The following GPM6A variants were observed in gnomAD, a reference collection of about 807,000 sequenced individuals.
The protein encoded by GPM6A is glycoprotein M6A.
In GPM6A, 7 loss-of-function variants were observed where a neutral mutation model predicts 32.1. That is an observed-to-expected ratio of 0.22 (90% CI 0.12 to 0.41). The LOEUF is 0.41. Ranked by LOEUF, GPM6A falls within the 10% of genes least tolerant of loss-of-function variation. GPM6A has a pLI of 1.00. For missense variants in GPM6A, 235 were observed against 347.2 expected, an observed-to-expected ratio of 0.68 and a Z score of 2.57; for synonymous variants, 130 against 123.4, an observed-to-expected ratio of 1.05 and a Z score of -0.35.
intron 3 of GPM6A, among the ~76,000 whole-genome samples, chr4:175,666,286 C>T (rs1376297828): frequency 1.3e-5 from 2 of 152,140 alleles, no homozygotes; most frequent in Non-Finnish European, 1.5e-5. Flanking sequence ...CTTCAGTGAA[C>T]ATTTAACTTT....
chr4:175,818,458 G>T (rs367748910), intron 1 of GPM6A, among the ~76,000 whole-genome samples: 5 of 152,148 alleles, frequency 3.3e-5, no homozygotes, highest in South Asian at 2.1e-4. Flanking sequence ...TATATATAGA[G>T]AGAGAGTCAG....
At chr4:175,904,820 AAAGT>A (rs1738079865) in intron 1 of GPM6A, among the ~76,000 whole-genome samples, 1 of 152,142 alleles carries the variant, frequency 6.6e-6, no homozygotes, top group East Asian at 1.9e-4. Context: ...AGATACATCA[AAAGT>A]AACCAAAGAA....
intron 1 of GPM6A, among the ~76,000 whole-genome samples, chr4:175,715,819 A>T (rs1745811218): frequency 6.6e-6 from 1 of 151,894 alleles, no homozygotes; most frequent in Non-Finnish European, 1.5e-5. Flanking sequence ...TAATCCCAGC[A>T]CTTTGGGAGG....
chr4:175,808,371 G>A (rs1327072295), intron 1 of GPM6A, among the ~76,000 whole-genome samples: 4 of 152,150 alleles, frequency 2.6e-5, no homozygotes. Flanking sequence ...TAATTGTACA[G>A]TATTTTAAAT....
At chr4:175,917,548 C>T (rs758363402) in intron 1 of GPM6A, among the ~76,000 whole-genome samples, 23 of 152,162 alleles carry the variant, frequency 1.5e-4, no homozygotes, top group Non-Finnish European at 7.4e-5. Context: ...CTGGATTATA[C>T]ATCTGTCCAT....
upstream of GPM6A, among the ~76,000 whole-genome samples, chr4:175,814,123 A>G (rs1735028422): frequency 6.6e-6 from 1 of 152,246 alleles, no homozygotes; most frequent in South Asian, 2.1e-4. Context: ...CATTCGTTTT[A>G]TACCATGGAA....
intron 1 of GPM6A, among the ~76,000 whole-genome samples, chr4:175,934,290 G>A (rs1041993674): frequency 6.6e-6 from 1 of 152,126 alleles, no homozygotes; most frequent in Non-Finnish European, 1.5e-5. Context: ...GTAAACCACT[G>A]ATTCCCCAAC....
chr4:175,670,448 T>C (rs1242795534), intron 3 of GPM6A, among the ~76,000 whole-genome samples: 1 of 152,216 alleles, frequency 6.6e-6, no homozygotes, highest in Non-Finnish European at 1.5e-5. Flanking sequence ...ATGTTTTGGC[T>C]TAAACTTTAA....
chr4:175,807,972 G>A (rs920842121), intron 1 of GPM6A, among the ~76,000 whole-genome samples: 1 of 152,186 alleles, frequency 6.6e-6, no homozygotes, highest in Non-Finnish European at 1.5e-5. Flanking sequence ...AGGTTATTGT[G>A]AAGAGCCAAT....
At chr4:175,796,629 ACCACTCACCCTATTTGATT>A (rs1734240751) in intron 1 of GPM6A, among the ~76,000 whole-genome samples, 1 of 152,328 alleles carries the variant, frequency 6.6e-6, no homozygotes, top group East Asian at 1.9e-4. Flanking sequence ...TAAAATACAA[ACCACTCACCCTATTTGATT>A]GCATTCACAA....
chr4:175,906,941 G>C (rs1198674488), intron 1 of GPM6A: 1 of 152,126 alleles, frequency 6.6e-6, no homozygotes, highest in Non-Finnish European at 1.5e-5. Context: ...ATTACCTTCA[G>C]AGTCACAGCA....
intron 1 of GPM6A, among the ~76,000 whole-genome samples, chr4:175,765,390 T>C (rs752569798): frequency 6.6e-6 from 1 of 152,186 alleles, no homozygotes; most frequent in African/African-American, 2.4e-5. Context: ...CTTAAGAATT[T>C]ATTTTTATTG....
chr4:175,701,818 A>ATT, intron 1 of GPM6A, 51 bp from the exon 2 acceptor site: 2 of 1,321,794 alleles, frequency 1.5e-6, no homozygotes, highest in Non-Finnish European at 2.1e-6. Flanking sequence ...ACCTAATTTA[A>ATT]TTTTTTTTTT....
intron 3 of GPM6A, among the ~76,000 whole-genome samples, chr4:175,663,619 T>G (rs1247332535): frequency 6.6e-6 from 1 of 152,190 alleles, no homozygotes; most frequent in Non-Finnish European, 1.5e-5. Context: ...GAAACCAATA[T>G]GTGGTACAAA....
At chr4:175,837,445 G>T (rs910459372) in intron 1 of GPM6A, among the ~76,000 whole-genome samples, 5 of 152,202 alleles carry the variant, frequency 3.3e-5, no homozygotes, top group African/African-American at 1.2e-4. Flanking sequence ...GAGCAAGAAC[G>T]GAAGCAGAGA....
At chr4:175,843,136 T>C (rs1735989747) in intron 1 of GPM6A, among the ~76,000 whole-genome samples, 1 of 152,106 alleles carries the variant, frequency 6.6e-6, no homozygotes. Flanking sequence ...TAAAGAGGTC[T>C]ATTGATCTAT....
chr4:175,987,671 A>C (rs1172935917), intron 1 of GPM6A, among the ~76,000 whole-genome samples: 3 of 152,084 alleles, frequency 2.0e-5, no homozygotes, highest in Non-Finnish European at 4.4e-5. Flanking sequence ...TATTAGGCCT[A>C]CAAATAACAT....
At chr4:175,733,523 C>G (rs1266617452) in intron 1 of GPM6A, among the ~76,000 whole-genome samples, 1 of 151,926 alleles carries the variant, frequency 6.6e-6, no homozygotes, top group Non-Finnish European at 1.5e-5. Flanking sequence ...AATGAATAAA[C>G]AAGCAAACTA....
chr4:175,811,366 C>T (rs767808245), intron 1 of GPM6A, among the ~76,000 whole-genome samples: 6 of 152,020 alleles, frequency 3.9e-5, no homozygotes, highest in African/African-American at 9.7e-5. Flanking sequence ...CGACAGCAGA[C>T]GAGAGAAACG....
Sources: allele counts gnomAD v4.1 joint callset (sites outside exome capture counted in the v4.1 genomes callset), GRCh38; gene constraint gnomAD v4.1.1; transcripts MANE v1.5; gene names NCBI Gene and HGNC (gene_info 2026-07-23, HGNC 2026-07-21).